LNX1: variants seen among roughly 807,000 people sequenced by gnomAD.
LNX1 encodes ligand of numb-protein X 1.
LNX1 carries 54 observed loss-of-function variants against 68.4 expected under a neutral mutation model. The ratio of observed to expected loss-of-function variants is 0.79; its 90% CI spans 0.63 to 0.99. The LOEUF is 0.99. LNX1 is among the 50% of genes least tolerant of loss of function. The pLI is 0.00. For synonymous variants in LNX1, 336 were observed against 350.0 expected (o/e 0.96, Z 0.45); for missense variants, 906 against 926.4 (o/e 0.98, Z 0.29).
chr4:53,493,364 A>T (rs1041961623), intron 6 of LNX1, among the ~76,000 whole-genome samples: 1 of 152,198 alleles, frequency 6.6e-6, no homozygotes, highest in African/African-American at 2.4e-5. Context: ...GGGGGCCGAG[A>T]ACCACCTTGG....
Position 53,501,299 on chromosome 4 carries a change from T to TTGGGGGGG in LNX1, c.776-2457_776-2456insCCCCCCCA, listed in dbSNP as rs56165716. 7.0e-3 allele frequency among the ~76,000 whole-genome samples: 269 copies of TTGGGGGGG among 38,690 alleles called. 33 individuals are homozygous for TTGGGGGGG. The highest frequency in any genetic ancestry group is 0.014 in the Non-Finnish European group (204 of 14,306). The allele number at this position is 38,690 out of a possible 152,430, so 25.4% of individuals were successfully genotyped here. A position where few individuals can be genotyped will look rare whatever the true frequency, so the allele number is the denominator to read the frequency against. On this transcript the variant is annotated intron_variant, in intron 4 of 10. Coordinates refer to ENST00000263925, the MANE Select transcript of LNX1 (RefSeq NM_001126328.3). ...TAATAATCTTTTTTTTTTTTTTTTT[T>TTGGGGGGG]GGGGGTGGGGGGACAGGATCTCACT...
chr4:53,547,551 G>T (rs1729195228), intron 2 of LNX1, among the ~76,000 whole-genome samples: 1 of 152,144 alleles, frequency 6.6e-6, no homozygotes, highest in South Asian at 2.1e-4. Context: ...CAGTCCTTGG[G>T]ATGACAAGTG....
intron 6 of LNX1, among the ~76,000 whole-genome samples, chr4:53,494,475 T>C (rs1724913937): frequency 6.6e-6 from 1 of 152,202 alleles, no homozygotes; most frequent in Admixed American, 6.5e-5. Context: ...TGCTGACTTG[T>C]ACACTGGAGA....
At chr4:53,493,883 A>G (rs1164514930) in intron 6 of LNX1, among the ~76,000 whole-genome samples, 1 of 152,350 alleles carries the variant, frequency 6.6e-6, no homozygotes, top group South Asian at 2.1e-4. Flanking sequence ...CTAGAAGATC[A>G]TGCCATTTCC....
chr4:53,565,277 C>G (rs1730583534), intron 2 of LNX1, among the ~76,000 whole-genome samples: 1 of 152,070 alleles, frequency 6.6e-6, no homozygotes, highest in Non-Finnish European at 1.5e-5. Context: ...AGCAGTGGTT[C>G]TCCCAGTACG....
intron 2 of LNX1, among the ~76,000 whole-genome samples, chr4:53,514,536 A>C (rs1726604120): frequency 6.6e-6 from 1 of 152,122 alleles, no homozygotes; most frequent in Non-Finnish European, 1.5e-5. Flanking sequence ...ATCTTGTGAG[A>C]CTTATTCACT....
chr4:53,537,218 G>A (rs955175177), intron 2 of LNX1, among the ~76,000 whole-genome samples: 7 of 152,214 alleles, frequency 4.6e-5, no homozygotes, highest in Non-Finnish European at 1.0e-4. Context: ...AACATCTGAC[G>A]CTTCTCATGG....
chr4:53,568,477 G>C (rs1296910766), intron 2 of LNX1, among the ~76,000 whole-genome samples: 1 of 151,878 alleles, frequency 6.6e-6, no homozygotes, highest in Non-Finnish European at 1.5e-5. Context: ...CAATAAATTA[G>C]GTATTGATGG....
At chr4:53,468,096 G>A (rs1722840081) in intron 9 of LNX1, among the ~76,000 whole-genome samples, 1 of 152,146 alleles carries the variant, frequency 6.6e-6, no homozygotes, top group Non-Finnish European at 1.5e-5. Context: ...AGAGAGAAAG[G>A]TCGGGTTACC....
intron 1 of LNX1, among the ~76,000 whole-genome samples, chr4:53,638,290 T>C (rs1329551338): frequency 1.3e-5 from 2 of 152,240 alleles, no homozygotes; most frequent in Non-Finnish European, 2.9e-5. Context: ...ACTTTAATAA[T>C]GCAGAACAGT....
chr4:53,629,662 G>A (rs1734196975), intron 1 of LNX1, among the ~76,000 whole-genome samples: 1 of 152,166 alleles, frequency 6.6e-6, no homozygotes, highest in South Asian at 2.1e-4. Flanking sequence ...CTCAGACCTG[G>A]AGGATGGGAA....
At chr4:53,462,324 A>G (rs759245743) in intron 9 of LNX1, among the ~76,000 whole-genome samples, 4 of 151,518 alleles carry the variant, frequency 2.6e-5, no homozygotes, top group South Asian at 2.1e-4. Flanking sequence ...GTGGCCCCCA[A>G]TGGATCAGTG....
At chr4:53,493,487 G>T (rs2109459413) in intron 6 of LNX1, among the ~76,000 whole-genome samples, 1 of 152,314 alleles carries the variant, frequency 6.6e-6, no homozygotes, top group African/African-American at 2.4e-5. Context: ...GCCTCAGGCT[G>T]CCCAGGTCTA....
chr4:53,605,203 T>A (rs185062739), intron 2 of LNX1, among the ~76,000 whole-genome samples: 6 of 152,232 alleles, frequency 3.9e-5, no homozygotes, highest in Admixed American at 2.6e-4. Context: ...GAAGAGCATG[T>A]GGAATGGGAA....
chr4:53,507,709 G>A (rs1249383616), intron 3 of LNX1, among the ~76,000 whole-genome samples: 1 of 151,938 alleles, frequency 6.6e-6, no homozygotes, highest in Non-Finnish European at 1.5e-5. Flanking sequence ...CACTTTTCTT[G>A]AGCAGCATGG....
At chr4:53,561,014 T>A (rs973008686) in intron 2 of LNX1, among the ~76,000 whole-genome samples, 56 of 152,328 alleles carry the variant, frequency 3.7e-4, no homozygotes, top group African/African-American at 1.3e-3. Context: ...TTAAATGTTA[T>A]CTCAGATATC....
intron 6 of LNX1, among the ~76,000 whole-genome samples, chr4:53,483,812 T>C (rs1724110461): frequency 6.6e-6 from 1 of 152,218 alleles, no homozygotes; most frequent in Admixed American, 6.5e-5. Context: ...AATGAGGGCA[T>C]TGAAATTCCA....
intron 2 of LNX1, among the ~76,000 whole-genome samples, chr4:53,515,069 G>A (rs1726659124): frequency 6.6e-6 from 1 of 152,134 alleles, no homozygotes; most frequent in Non-Finnish European, 1.5e-5. Flanking sequence ...CAGAGAGATG[G>A]GAATTAACTG....
chr4:53,621,805 G>T (rs1332597478), upstream of LNX1, among the ~76,000 whole-genome samples: 5 of 152,186 alleles, frequency 3.3e-5, no homozygotes, highest in Middle Eastern at 3.2e-3. Context: ...AATGGGCACC[G>T]ATTTGAGAGT....
Sources: gnomAD v4.1 joint callset for allele counts (sites outside exome capture counted in the v4.1 genomes callset) on GRCh38, gnomAD v4.1.1 for gene constraint, MANE v1.5 for transcripts, NCBI Gene and HGNC (gene_info 2026-07-23, HGNC 2026-07-21) for gene names.